The following TASOR2 variants were observed in gnomAD, a reference collection of about 807,000 sequenced individuals.
TASOR2 encodes protein TASOR 2.
TASOR2 carries 84 observed loss-of-function variants against 199.5 expected under a neutral mutation model. That is an observed-to-expected ratio of 0.42 (90% CI 0.35 to 0.50). The LOEUF is 0.50. TASOR2 is among the 20% of genes least tolerant of loss of function. TASOR2 has a pLI of 0.02. For synonymous variants in TASOR2, 1,103 were observed against 1,046.6 expected (o/e 1.05, Z -1.04); for missense variants, 2,796 against 2,835.9 (o/e 0.99, Z 0.32).
chr10:5,718,569 G>A (rs879346361), intron 3 of TASOR2, among the ~76,000 whole-genome samples: 2 of 151,762 alleles, frequency 1.3e-5, no homozygotes, highest in Admixed American at 6.6e-5. Flanking sequence ...CCAACATGGC[G>A]AAACCCTGTC....
chr10:5,712,176 T>G, intron 1 of TASOR2: 1 of 298,344 alleles, frequency 3.4e-6, no homozygotes. Flanking sequence ...AGGACATATT[T>G]TAGCTCCTGT....
Position 5,738,312 on chromosome 10 carries a change from A to AC in TASOR2, c.1448-1306_1448-1305insC, listed in dbSNP as rs1835907518. 6.6e-6 allele frequency among the ~76,000 whole-genome samples: 1 copy of AC among 152,190 alleles called. No individual in the cohort carries two copies. The highest frequency in any genetic ancestry group is 1.9e-4 in the East Asian group (1 of 5,192). ...GATTTATGTGAGACTATAATATGTT[A>AC]AACTACCATTTTTCTTTATTTTAAT... is the stretch of plus-strand genomic sequence containing the variant. On this transcript the variant is annotated intron_variant, in intron 12 of 20. Transcript: ENST00000328090. This position sits in a 1 kb window ranked among gnomAD's most constrained non-coding sequence, Gnocchi z 4.7.
At position 5,730,749 on chromosome 10, in the gene TASOR2, A is replaced by G. The variant is rs1425601190; in HGVS notation, c.750A>G (p.Glu250=). The G allele has an allele frequency of 2.5e-6, 4 of 1,614,188 alleles. No homozygotes were observed. The South Asian group carries it at 3.3e-5, about 13-fold the overall frequency. The change falls in exon 11 of 21, where the codon GAA becomes GAG. Residue 250 remains glutamate, a synonymous_variant. Transcript: ENST00000328090. This position sits in a 1 kb window ranked among gnomAD's most constrained non-coding sequence, Gnocchi z 4.1. Reference sequence around the variant, plus strand: ...GTTTTGACTTGATTCCTCCAGCTGAAAAGTGCCCTTCAGAGTCTTTAACTC... The same window carrying G: ...GTTTTGACTTGATTCCTCCAGCTGAGAAGTGCCCTTCAGAGTCTTTAACTC...
chr10:5,692,728 T>C, intron 1 of TASOR2: 1 of 151,866 alleles, frequency 6.6e-6, no homozygotes, highest in East Asian at 1.9e-4. Context: ...GCCATGCCCC[T>C]GGGCTCCGCT....
At chr10:5,713,623 T>G (rs1222998160) in intron 2 of TASOR2, 1 of 152,346 alleles carries the variant, frequency 6.6e-6, no homozygotes, top group African/African-American at 2.4e-5. Flanking sequence ...CTTTTGAAAT[T>G]TAATCGTCTG....
exon 21 of TASOR2, chr10:5,763,106 C>T (rs1588957236): frequency 7.2e-7 from 1 of 1,380,650 alleles, no homozygotes; most frequent in Non-Finnish European, 1.0e-6. Flanking sequence ...AACTTGTGAA[C>T]ATGTGAATAC....
At chr10:5,712,385 G>C in intron 1 of TASOR2, 1 of 1,231,308 alleles carries the variant, frequency 8.1e-7, no homozygotes, top group Non-Finnish European at 1.0e-6. Flanking sequence ...TTTTGTTTGT[G>C]TTTTACAGTT....
intron 2 of TASOR2, among the ~76,000 whole-genome samples, chr10:5,715,603 TG>T (rs1321658177): frequency 6.6e-6 from 1 of 151,754 alleles, no homozygotes; most frequent in Non-Finnish European, 1.5e-5. Flanking sequence ...CACTTAACAA[TG>T]GGGATACATT....
chr10:5,727,443 T>A (rs1483700647), intron 10 of TASOR2, among the ~76,000 whole-genome samples: 2 of 152,222 alleles, frequency 1.3e-5, no homozygotes, highest in Non-Finnish European at 2.9e-5. Context: ...TCTCAGAGTC[T>A]TCATAGGTGC....
intron 1 of TASOR2, among the ~76,000 whole-genome samples, chr10:5,705,776 G>A (rs769970466): frequency 6.6e-6 from 1 of 152,046 alleles, no homozygotes; most frequent in African/African-American, 2.4e-5. Context: ...TTTGTGAAAT[G>A]TGTCTATGAG....
chr10:5,741,615 A>G (rs995143832), intron 13 of TASOR2, among the ~76,000 whole-genome samples: 9 of 152,362 alleles, frequency 5.9e-5, no homozygotes, highest in African/African-American at 2.2e-4. Flanking sequence ...TGAAAATAGT[A>G]TAGTTCTGTT....
At chr10:5,762,553 A>G in exon 20 of TASOR2, 1 of 1,205,694 alleles carries the variant, frequency 8.3e-7, no homozygotes, top group Non-Finnish European at 1.2e-6. Context: ...ATCCCCAGAG[A>G]AGTCTTTGAA....
rs372000310 is a variant in TASOR2, at chr10:5,728,082, G to A, written c.487+959G>A. 3.4e-4 allele frequency among the ~76,000 whole-genome samples: 51 copies of A among 151,944 alleles called. 1 individual carries two copies. The South Asian group carries it at 9.8e-3, about 29-fold the overall frequency. ...TACAAAAAATAGAGAAAAATTAGGCGTGGTGGCTTGCACCTGTGGTCCAAT... is the reference window on the plus strand; with the variant it reads ...TACAAAAAATAGAGAAAAATTAGGCATGGTGGCTTGCACCTGTGGTCCAAT... On this transcript the variant is annotated intron_variant, in intron 10 of 20. Coordinates refer to ENST00000328090, the Ensembl canonical transcript of TASOR2.
intron 1 of TASOR2, among the ~76,000 whole-genome samples, chr10:5,702,160 A>T (rs535061148): frequency 2.0e-5 from 3 of 152,200 alleles, no homozygotes; most frequent in Admixed American, 2.0e-4. Flanking sequence ...AGGGTTTTTT[A>T]AAATCATAAA....
rs189611283 is a variant in TASOR2 at position 5,720,058 on chromosome 10, G to T, written c.-99-486G>T. 3.7e-3 allele frequency among the ~76,000 whole-genome samples: 565 copies of T among 152,206 alleles called. 3 individuals carry two copies. The highest frequency in any genetic ancestry group is 6.7e-3 in the Non-Finnish European group (459 of 68,006). On this transcript the variant is annotated intron_variant, in intron 3 of 20. Coordinates refer to ENST00000328090, the Ensembl canonical transcript of TASOR2. The surrounding 1 kb of genome is among the most constrained non-coding windows in gnomAD (Gnocchi z 5.3). ...AGACGCCCAAATGTCCAAAATTTTT[G>T]AGTCCATTTTTAAGGGTTCATGGAT... is the stretch of plus-strand genomic sequence containing the variant.
At chr10:5,705,493 ATATC>A (rs1191579095) in intron 1 of TASOR2, among the ~76,000 whole-genome samples, 1 of 152,196 alleles carries the variant, frequency 6.6e-6, no homozygotes, top group Non-Finnish European at 1.5e-5. Context: ...TCTTGGGTAA[ATATC>A]TAGGAATAGA....
intron 2 of TASOR2, 87 bp downstream of exon 2, chr10:5,713,005 C>A: frequency 3.1e-6 from 2 of 645,152 alleles, no homozygotes; most frequent in South Asian, 8.3e-5. Context: ...GTAAGATTAC[C>A]AATTCATCAG....
At chr10:5,723,246 G>A (rs1192439151) in intron 6 of TASOR2, among the ~76,000 whole-genome samples, 2 of 151,238 alleles carry the variant, frequency 1.3e-5, no homozygotes, top group Admixed American at 1.3e-4. Context: ...TAGTAGAGAC[G>A]GGGTTTCACC....
At position 5,701,994 on chromosome 10, in the gene TASOR2, A is replaced by T. The variant is rs1057121178; in HGVS notation, c.-287-10829A>T. On this transcript the variant is annotated intron_variant, in intron 1 of 20. Coordinates refer to ENST00000328090, the Ensembl canonical transcript of TASOR2. The surrounding 1 kb of genome is among the most constrained non-coding windows in gnomAD (Gnocchi z 4.9). ...CTCTGCCCAGTACTTCCAGTACTAT[A>T]TTGAATAAAAGTGGTGAAAGTAGGC... Among the ~76,000 whole-genome samples, 72 of 152,092 alleles carry T rather than the reference A, an allele frequency of 4.7e-4. No individual in the cohort carries two copies. The highest frequency in any genetic ancestry group is 1.5e-3 in the African/African-American group (63 of 41,424).
Sources: allele counts gnomAD v4.1 joint callset (sites outside exome capture counted in the v4.1 genomes callset), GRCh38; gene constraint gnomAD v4.1.1; non-coding constraint Gnocchi (gnomAD v3.1); transcripts MANE v1.5; gene names NCBI Gene and HGNC (gene_info 2026-07-23, HGNC 2026-07-21).